The following CNTN5 variants were observed in gnomAD, a reference collection of about 807,000 sequenced individuals.
CNTN5 encodes contactin-5.
A neutral mutation model predicts 129.1 loss-of-function variants in CNTN5; 77 were observed. The ratio of observed to expected loss-of-function variants is 0.60; its 90% CI spans 0.50 to 0.72. The LOEUF (loss-of-function observed/expected upper bound fraction) is 0.72, where lower values mean the gene tolerates loss of function less well. Ranked by LOEUF, CNTN5 falls within the 30% of genes least tolerant of loss-of-function variation. The pLI is 0.00. For synonymous variants in CNTN5, 509 were observed against 465.6 expected (o/e 1.09, Z -1.20); for missense variants, 1,478 against 1,328.8 (o/e 1.11, Z -1.75).
intron 3 of CNTN5, among the ~76,000 whole-genome samples, chr11:99,810,944 A>G (rs1946410599): frequency 6.6e-6 from 1 of 152,066 alleles, no homozygotes; most frequent in Non-Finnish European, 1.5e-5. Context: ...ATATAAGTTG[A>G]TGATGGAATA....
At chr11:99,899,795 G>T (rs1409043278) in intron 6 of CNTN5, among the ~76,000 whole-genome samples, 1 of 151,982 alleles carries the variant, frequency 6.6e-6, no homozygotes, top group African/African-American at 2.4e-5. Flanking sequence ...AATAGTTTTA[G>T]TAAGGTTGGT....
chr11:100,178,808 A>C (rs1948045274), intron 13 of CNTN5, among the ~76,000 whole-genome samples: 1 of 152,130 alleles, frequency 6.6e-6, no homozygotes, highest in Admixed American at 6.6e-5. Flanking sequence ...GTCACTGGAG[A>C]GGTGTCAGCA....
At chr11:99,662,147 A>C (rs1952616624) in intron 3 of CNTN5, among the ~76,000 whole-genome samples, 1 of 152,176 alleles carries the variant, frequency 6.6e-6, no homozygotes, top group South Asian at 2.1e-4. Context: ...GCCCTTCTGA[A>C]CTATATACTT....
intron 3 of CNTN5, among the ~76,000 whole-genome samples, chr11:99,578,094 G>A (rs546644096): frequency 8.6e-5 from 13 of 150,626 alleles, no homozygotes; most frequent in South Asian, 4.2e-4. Flanking sequence ...TTTTTTCTCC[G>A]TGCGATAGTT....
At chr11:99,936,497 C>CTT (rs34992102) in intron 7 of CNTN5, among the ~76,000 whole-genome samples, 225 of 151,944 alleles carry the variant, frequency 1.5e-3, no homozygotes, top group African/African-American at 4.4e-3. Context: ...AACAAGTAGT[C>CTT]TTTTTTTTGA....
chr11:100,289,560 C>T (rs1230478294), intron 18 of CNTN5, among the ~76,000 whole-genome samples: 21 of 152,242 alleles, frequency 1.4e-4, no homozygotes, highest in East Asian at 3.9e-4. Flanking sequence ...AATTCAACAA[C>T]GCTTCATGCT....
intron 2 of CNTN5, among the ~76,000 whole-genome samples, chr11:99,414,987 TA>T (rs1274098742): frequency 6.6e-6 from 1 of 152,198 alleles, no homozygotes; most frequent in African/African-American, 2.4e-5. Context: ...AAAACTCCAG[TA>T]AAACAGGCAA....
intron 9 of CNTN5, among the ~76,000 whole-genome samples, chr11:100,049,926 T>C (rs1332684283): frequency 6.6e-6 from 1 of 152,082 alleles, no homozygotes; most frequent in African/African-American, 2.4e-5. Flanking sequence ...CACAATGAGA[T>C]ACCATCTCAC....
chr11:99,389,645 A>C (rs887839581), intron 2 of CNTN5, among the ~76,000 whole-genome samples: 2 of 152,192 alleles, frequency 1.3e-5, no homozygotes, highest in African/African-American at 4.8e-5. Context: ...TGCAAATAAA[A>C]CTGTATTTTA....
chr11:100,263,885 G>A (rs2138757224), intron 17 of CNTN5, among the ~76,000 whole-genome samples: 1 of 152,150 alleles, frequency 6.6e-6, no homozygotes, highest in East Asian at 1.9e-4. Context: ...TACTTTTGGA[G>A]AGGTTTTCCT....
At chr11:99,344,120 TA>T (rs1288425944) in intron 2 of CNTN5, among the ~76,000 whole-genome samples, 1 of 152,196 alleles carries the variant, frequency 6.6e-6, no homozygotes, top group Non-Finnish European at 1.5e-5. Context: ...TCAAAGTGCG[TA>T]AGTTTTCGGT....
intron 21 of CNTN5, among the ~76,000 whole-genome samples, chr11:100,335,904 A>G (rs2139000858): frequency 6.6e-6 from 1 of 152,280 alleles, no homozygotes; most frequent in South Asian, 2.1e-4. Context: ...AATATTTGAG[A>G]GACAAAAATC....
intron 13 of CNTN5, among the ~76,000 whole-genome samples, chr11:100,125,026 C>A (rs1946138907): frequency 6.6e-6 from 1 of 152,048 alleles, no homozygotes; most frequent in African/African-American, 2.4e-5. Flanking sequence ...ATTTGCATTT[C>A]TAACAGGTGA....
intron 1 of CNTN5, among the ~76,000 whole-genome samples, chr11:99,030,633 CA>C (rs1863325361): frequency 6.6e-6 from 1 of 152,070 alleles, no homozygotes; most frequent in African/African-American, 2.4e-5. Flanking sequence ...TGTGTGATAA[CA>C]AAATAGTACA....
At chr11:100,037,518 G>T (rs925476675) in intron 9 of CNTN5, among the ~76,000 whole-genome samples, 3 of 151,964 alleles carry the variant, frequency 2.0e-5, no homozygotes, top group African/African-American at 7.3e-5. Context: ...TTTTTCTATT[G>T]ATTGGAATAG....
intron 21 of CNTN5, among the ~76,000 whole-genome samples, chr11:100,339,486 G>T (rs895246971): frequency 6.6e-6 from 1 of 152,094 alleles, no homozygotes; most frequent in Non-Finnish European, 1.5e-5. Context: ...CAGGACGGTG[G>T]GGGTGGGCCA....
rs548349156 is a variant in CNTN5 at position 99,656,865 on chromosome 11, C to T, written c.55+100596C>T. Among the ~76,000 whole-genome samples the T allele has an allele frequency of 7.9e-5, 12 of 151,890 alleles. No individual in the cohort carries two copies. The South Asian group carries it at 1.5e-3, about 18-fold the overall frequency. On this transcript the variant is annotated intron_variant, in intron 3 of 24. Coordinates refer to ENST00000524871, the MANE Select transcript of CNTN5 (RefSeq NM_014361.4). ...AGGGCCTCCAAAATACCCACCAGAACGTATTTCTTTAGAAAATTGTCTGTA... is the reference window on the plus strand; with the variant it reads ...AGGGCCTCCAAAATACCCACCAGAATGTATTTCTTTAGAAAATTGTCTGTA...
chr11:99,424,499 A>G (rs371393770), intron 2 of CNTN5, among the ~76,000 whole-genome samples: 192 of 151,782 alleles, frequency 1.3e-3, no homozygotes, highest in African/African-American at 4.4e-3. Flanking sequence ...GCCACTGAAC[A>G]CAGCCAGGCA....
At chr11:99,405,007 C>CT (rs574997570) in intron 2 of CNTN5, among the ~76,000 whole-genome samples, 9 of 151,592 alleles carry the variant, frequency 5.9e-5, no homozygotes, top group East Asian at 5.8e-4. Context: ...TAAGGTAAAA[C>CT]TTTTTTTTTC....
Sources: gnomAD v4.1 joint callset for allele counts (sites outside exome capture counted in the v4.1 genomes callset) on GRCh38, gnomAD v4.1.1 for gene constraint, MANE v1.5 for transcripts, NCBI Gene and HGNC (gene_info 2026-07-23, HGNC 2026-07-21) for gene names.